The following GPR171 variants were observed in gnomAD, a reference collection of about 807,000 sequenced individuals.
The protein encoded by GPR171 is F730001G15Rik.
GPR171 carries 14 observed loss-of-function variants against 16.7 expected under a neutral mutation model. The ratio of observed to expected loss-of-function variants is 0.84; its 90% CI spans 0.55 to 1.31. GPR171 has a LOEUF of 1.31. Among genes scored for constraint, GPR171 ranks in the 40% most tolerant of loss-of-function variants. The pLI, the probability that GPR171 is intolerant of heterozygous loss-of-function variation, is 0.00. For missense variants in GPR171, 337 were observed against 378.9 expected (o/e 0.89, Z 0.92); for synonymous variants, 134 against 135.6 (o/e 0.99, Z 0.08).
rs1036111806 is a variant in GPR171 at position 151,203,125 on chromosome 3, C to T, written c.-164G>A. 6.6e-6 allele frequency: 1 copy of T among 152,138 alleles called. No homozygotes were observed. Among genetic ancestry groups the T allele is most frequent in the Non-Finnish European group, 1.5e-5 (1 of 68,026 alleles). The allele number at this position is 152,138 out of a possible 1,614,324, so 9.4% of individuals were successfully genotyped here. A position where few individuals can be genotyped will look rare whatever the true frequency, so the allele number is the denominator to read the frequency against. ...ATACCTGGGGCTATCTTCTGTGAGC[C>T]TCAGCAAGCCTTGCTGCAAGTCTTC... is the stretch of plus-strand genomic sequence containing the variant. On this transcript the variant is annotated 5_prime_UTR_variant, in exon 1 of 3. Transcript: ENST00000309180.
chr3:151,201,241 TC>T (rs1725538280), intron 1 of GPR171, among the ~76,000 whole-genome samples: 2 of 152,124 alleles, frequency 1.3e-5, no homozygotes, highest in Non-Finnish European at 2.9e-5. Context: ...TCTCTCTCTC[TC>T]TCTCACACGC....
At chr3:151,199,486 C>T in intron 2 of GPR171, 47 bp from the exon 3 acceptor site, 2 of 1,045,128 alleles carry the variant, frequency 1.9e-6, no homozygotes, top group South Asian at 3.2e-5. Flanking sequence ...AAATTAGCAA[C>T]TATTTTCTTT....
Position 151,198,356 on chromosome 3 carries a change from T to TTTTTTTTAA in GPR171, c.*70_*71insTTAAAAAAA. On this transcript the variant is annotated 3_prime_UTR_variant, in exon 3 of 3. Coordinates refer to ENST00000309180, the MANE Select transcript of GPR171 (RefSeq NM_013308.4). ...AGTTTTTTTTTGTTTTTTTTTTTTT[T>TTTTTTTTAA]ATCTTTCAAAGCTATAATTAACTTT... is the stretch of plus-strand genomic sequence containing the variant. 1 of 1,131,176 alleles carries TTTTTTTTAA rather than the reference T, an allele frequency of 8.8e-7. No homozygotes were observed. Among genetic ancestry groups the TTTTTTTTAA allele is most frequent in the Non-Finnish European group, 1.2e-6 (1 of 832,032 alleles). The allele number at this position is 1,131,176 out of a possible 1,614,324, so 70.1% of individuals were successfully genotyped here. A position where few individuals can be genotyped will look rare whatever the true frequency, so the allele number is the denominator to read the frequency against.
At position 151,201,164 on chromosome 3, in the gene GPR171, A is replaced by G. The variant is rs189933632; in HGVS notation, c.-142-167T>C. 1.6e-4 allele frequency among the ~76,000 whole-genome samples: 25 copies of G among 152,322 alleles called. No individual in the cohort carries two copies. The Middle Eastern group carries it at 0.014, about 83-fold the overall frequency. On this transcript the variant is annotated intron_variant, in intron 1 of 2. Transcript: ENST00000309180. ...TTTAACTTTTTACCAAAATACTAAG[A>G]ATATAAGTTTAGGCTTTTCGTATAT...
rs1344819833 is a variant in GPR171, at chr3:151,198,351, T to G, written c.*76A>C. The G allele has an allele frequency of 8.2e-6, 9 of 1,100,260 alleles. No individual in the cohort carries two copies. Among genetic ancestry groups the G allele is most frequent in the Admixed American group, 2.7e-5 (1 of 37,166 alleles). 68.2% of individuals were successfully genotyped at this position (1,100,260 alleles called of 1,614,324 possible). A position where few individuals can be genotyped will look rare whatever the true frequency, so the allele number is the denominator to read the frequency against. ...TACTGAGTTTTTTTTTGTTTTTTTT[T>G]TTTTTATCTTTCAAAGCTATAATTA... is the stretch of plus-strand genomic sequence containing the variant. On this transcript the variant is annotated 3_prime_UTR_variant, in exon 3 of 3. Transcript: ENST00000309180.
Position 151,199,415 on chromosome 3 carries a change from T to A in GPR171, c.-29A>T, listed in dbSNP as rs370773717. The A allele has an allele frequency of 1.3e-6, 2 of 1,551,120 alleles. No individual in the cohort carries two copies. Among genetic ancestry groups the A allele is most frequent in the African/African-American group, 2.8e-5 (2 of 72,092 alleles). ...GAGGGAAAGTAAGGATGACTGCTTA[T>A]TGAAAAGAAAAAATTTCTAAGACTC... On this transcript the variant is annotated 5_prime_UTR_variant, in exon 3 of 3. Coordinates refer to ENST00000309180, the MANE Select transcript of GPR171 (RefSeq NM_013308.4).
At chr3:151,201,973 G>A (rs962285724) in intron 1 of GPR171, among the ~76,000 whole-genome samples, 1 of 152,194 alleles carries the variant, frequency 6.6e-6, no homozygotes, top group African/African-American at 2.4e-5. Flanking sequence ...ATGGTAAAGA[G>A]AAGAATTAGA....
At position 151,199,539 on chromosome 3, in the gene GPR171, T is replaced by G; in HGVS notation, c.-53-100A>C. On this transcript the variant is annotated intron_variant, in intron 2 of 2. Coordinates refer to ENST00000309180, the MANE Select transcript of GPR171 (RefSeq NM_013308.4). The stretch of plus-strand genomic sequence containing the variant: ...ACAATACCGTTGTCTTTCCAGTTCT[T>G]AGAATTTTATTGGTGAACTTACCAG... 4.6e-6 allele frequency: 3 copies of G among 646,036 alleles called. No individual in the cohort carries two copies. In the East Asian group the frequency reaches 8.2e-5, roughly 18 times the overall value. 40.0% of individuals were successfully genotyped at this position (646,036 alleles called of 1,614,324 possible).
At chr3:151,200,359 C>T (rs1005668753) in intron 2 of GPR171, among the ~76,000 whole-genome samples, 1 of 152,092 alleles carries the variant, frequency 6.6e-6, no homozygotes, top group African/African-American at 2.4e-5. Context: ...TGGTGTGGGT[C>T]CCCCTTTTGC....
In GPR171 at chr3:151,198,247, CAA is replaced by C. The variant is rs1724946273; in HGVS notation, c.*178_*179del. The C allele has an allele frequency of 5.9e-6, 3 of 508,948 alleles. No homozygotes were observed. Among genetic ancestry groups the C allele is most frequent in the South Asian group, 7.6e-5 (2 of 26,298 alleles). The allele number at this position is 508,948 out of a possible 1,614,324, so 31.5% of individuals were successfully genotyped here. A position where few individuals can be genotyped will look rare whatever the true frequency, so the allele number is the denominator to read the frequency against. On this transcript the variant is annotated 3_prime_UTR_variant, in exon 3 of 3. Transcript: ENST00000309180. ...GGTTAATGAGTAGCAGCAAGCCTAACAATAAAGCTTGACTTGCATTTAGAAAC... is the reference window on the plus strand; with the variant it reads ...GGTTAATGAGTAGCAGCAAGCCTAACTAAAGCTTGACTTGCATTTAGAAAC...
At chr3:151,199,484 A>G in intron 2 of GPR171, 45 bp from the exon 3 acceptor site, 1 of 1,058,240 alleles carries the variant, frequency 9.4e-7, no homozygotes, top group Non-Finnish European at 1.4e-6. Context: ...TAAAATTAGC[A>G]ACTATTTTCT....
At position 151,199,323 on chromosome 3, in the gene GPR171, A is replaced by T. The variant is rs1203078252; in HGVS notation, c.64T>A (p.Tyr22Asn). The change falls in exon 3 of 3, where the codon TAT becomes AAT. Residue 22 changes from tyrosine (Y) to asparagine (N), a missense_variant. Tyr to Asn is a moderately radical substitution (Grantham distance 143). Transcript: ENST00000309180. ...KDLEPFTYFF[Y>N]LVFLVGIIGS... ...ATAATTCCAACAAGGAAAACTAAAT[A>T]AAAAAAATACGTGAATGGCTCCAGA... is the stretch of plus-strand genomic sequence containing the variant. The T allele has an allele frequency of 2.5e-6, 4 of 1,610,028 alleles. No individual in the cohort carries two copies. Among genetic ancestry groups the T allele is most frequent in the African/African-American group, 1.3e-5 (1 of 74,762 alleles).
rs1484158212 is a variant in GPR171 at position 151,199,429 on chromosome 3, T to A, written c.-43A>T. 9.9e-6 allele frequency: 15 copies of A among 1,520,770 alleles called. No individual in the cohort carries two copies. Among genetic ancestry groups the A allele is most frequent in the Non-Finnish European group, 1.3e-5 (15 of 1,134,650 alleles). The allele number at this position is 1,520,770 out of a possible 1,614,324, so 94.2% of individuals were successfully genotyped here. A position where few individuals can be genotyped will look rare whatever the true frequency, so the allele number is the denominator to read the frequency against. Reference sequence around the variant, plus strand: ...ATGACTGCTTATTGAAAAGAAAAAATTTCTAAGACTCTGTAAAAGAAACAA... The same window carrying A: ...ATGACTGCTTATTGAAAAGAAAAAAATTCTAAGACTCTGTAAAAGAAACAA... On this transcript the variant is annotated 5_prime_UTR_variant, in exon 3 of 3. Transcript: ENST00000309180.
At chr3:151,201,973 G>T (rs962285724) in intron 1 of GPR171, among the ~76,000 whole-genome samples, 1 of 152,194 alleles carries the variant, frequency 6.6e-6, no homozygotes, top group East Asian at 1.9e-4. Flanking sequence ...ATGGTAAAGA[G>T]AAGAATTAGA....
intron 1 of GPR171, among the ~76,000 whole-genome samples, chr3:151,202,469 G>A (rs890423601): frequency 1.1e-4 from 17 of 152,154 alleles, no homozygotes; most frequent in Admixed American, 6.5e-4. Context: ...TCAAGAGTTC[G>A]AGACCAGCCT....
Position 151,198,192 on chromosome 3 carries a change from A to T in GPR171, c.*235T>A, listed in dbSNP as rs947018019. The T allele has an allele frequency of 5.4e-6, 2 of 369,468 alleles. No individual in the cohort carries two copies. The highest frequency in any genetic ancestry group is 9.7e-6 in the Non-Finnish European group (2 of 206,302). 22.9% of individuals were successfully genotyped at this position (369,468 alleles called of 1,614,324 possible). A position where few individuals can be genotyped will look rare whatever the true frequency, so the allele number is the denominator to read the frequency against. Reference sequence around the variant, plus strand: ...TGCAGGATTTTACATTCGTTCAATGAGACTCTTTAGTTTTTTGTACAAATA... The same window carrying T: ...TGCAGGATTTTACATTCGTTCAATGTGACTCTTTAGTTTTTTGTACAAATA... On this transcript the variant is annotated 3_prime_UTR_variant, in exon 3 of 3. Transcript: ENST00000309180.
chr3:151,202,707 A>T lies in GPR171; in HGVS notation c.-143+397T>A, dbSNP rs80124752. The stretch of plus-strand genomic sequence containing the variant: ...CAAAAACAAAATAAAAGCTTATTAG[A>T]TTTTCTATGGGAATCACAGTGGAAT... On this transcript the variant is annotated intron_variant, in intron 1 of 2. Transcript: ENST00000309180. Among the ~76,000 whole-genome samples, 8 of 152,244 alleles carry T rather than the reference A, an allele frequency of 5.3e-5. No homozygotes were observed. In the East Asian group the frequency reaches 9.7e-4, roughly 18 times the overall value.
Position 151,198,603 on chromosome 3 carries a change from A to T in GPR171, c.784T>A (p.Ser262Thr), listed in dbSNP as rs747080862. 8.1e-6 allele frequency: 13 copies of T among 1,614,006 alleles called. No individual in the cohort carries two copies. The highest frequency in any genetic ancestry group is 1.1e-5 in the Non-Finnish European group (13 of 1,179,936). ...EVITDCSTRISLFKAKEATLL... is the reference protein window; with the variant it reads ...EVITDCSTRITLFKAKEATLL... ...GTAGCCTCTTTGGCTTTGAAGAGTG[A>T]AATCCTGGTTGAGCAATCAGTTATG... The change falls in exon 3 of 3, where the codon TCA becomes ACA. Residue 262 changes from serine to threonine, a missense_variant. By Grantham distance (58) the Ser-to-Thr change is moderately conservative (BLOSUM62 1). Coordinates refer to ENST00000309180, the MANE Select transcript of GPR171 (RefSeq NM_013308.4).
At position 151,198,665 on chromosome 3, in the gene GPR171, A is replaced by G. The variant is rs372656427; in HGVS notation, c.722T>C (p.Ile241Thr). ...GCTGAGGGTATACGGGATTCGGACAATGTGGTAAGGAACAAAGCATATGAT... is the reference window on the plus strand; with the variant it reads ...GCTGAGGGTATACGGGATTCGGACAGTGTGGTAAGGAACAAAGCATATGAT... ...GYIICFVPYH[I>T]VRIPYTLSQT... Residue 241 changes from isoleucine (I) to threonine (T), a missense_variant, in exon 3 of 3, where the codon ATT becomes ACT. Ile to Thr is a moderately conservative substitution (Grantham distance 89, BLOSUM62 -1). Transcript: ENST00000309180. The G allele has an allele frequency of 8.9e-5, 144 of 1,614,004 alleles. No homozygotes were observed. Among genetic ancestry groups the G allele is most frequent in the South Asian group, 5.3e-4 (48 of 91,090 alleles).
Sources: gnomAD v4.1 joint callset for allele counts (sites outside exome capture counted in the v4.1 genomes callset) on GRCh38, gnomAD v4.1.1 for gene constraint, MANE v1.5 for transcripts, NCBI Gene and HGNC (gene_info 2026-07-23, HGNC 2026-07-21) for gene names.